The following CSMD1 variants were observed in gnomAD, a reference collection of about 807,000 sequenced individuals.
CSMD1 encodes CUB and sushi domain-containing protein 1.
CSMD1 carries 213 observed loss-of-function variants against 417.5 expected under a neutral mutation model. That is an observed-to-expected ratio of 0.51 (90% CI 0.46 to 0.57). The LOEUF is 0.57. CSMD1 is among the 20% of genes least tolerant of loss of function. CSMD1 has a pLI of 0.00. For missense variants in CSMD1, 6,923 were observed against 4,529.7 expected, an observed-to-expected ratio of 1.53 and a Z score of -15.17; for synonymous variants, 2,862 against 1,736.8, an observed-to-expected ratio of 1.65 and a Z score of -16.11.
intron 1 of CSMD1, among the ~76,000 whole-genome samples, chr8:4,945,242 T>C (rs148354001): frequency 1.3e-5 from 2 of 152,096 alleles, no homozygotes; most frequent in Non-Finnish European, 2.9e-5. Flanking sequence ...CCAGAGGCTG[T>C]GGAAGGGAAC....
At chr8:3,350,315 T>C (rs1364827320) in intron 21 of CSMD1, among the ~76,000 whole-genome samples, 1 of 145,626 alleles carries the variant, frequency 6.9e-6, no homozygotes, top group East Asian at 2.2e-4. Flanking sequence ...TAATAACCTA[T>C]AATAACTTGT....
intron 2 of CSMD1, among the ~76,000 whole-genome samples, chr8:4,460,424 C>G (rs1453469657): frequency 1.3e-5 from 2 of 151,882 alleles, no homozygotes; most frequent in Admixed American, 6.6e-5. Context: ...CCTCACTGTC[C>G]TGGAAAAAGT....
rs547706162 is a variant in CSMD1 at position 3,887,944 on chromosome 8, G to T, written c.818+109959C>A. 4.4e-4 allele frequency among the ~76,000 whole-genome samples: 67 copies of T among 152,216 alleles called. 1 individual carries two copies. Among genetic ancestry groups the T allele is most frequent in the African/African-American group, 1.6e-3 (66 of 41,552 alleles). ...AATCAGGAAAAGAATACTTTCAATA[G>T]CAATACTTAAGAAAACAGAGAAAAC... On this transcript the variant is annotated intron_variant, in intron 5 of 69. Coordinates refer to ENST00000635120, the MANE Select transcript of CSMD1 (RefSeq NM_033225.6).
chr8:3,916,713 A>C, intron 5 of CSMD1, among the ~76,000 whole-genome samples: 1 of 152,302 alleles, frequency 6.6e-6, no homozygotes, highest in African/African-American at 2.4e-5. Context: ...CATCACAAGG[A>C]TAGAAAAAGT....
At position 4,076,590 on chromosome 8, in the gene CSMD1, G is replaced by C. The variant is rs548127964; in HGVS notation, c.416-44491C>G. 8.4e-4 allele frequency among the ~76,000 whole-genome samples: 128 copies of C among 152,268 alleles called. 1 individual carries two copies. Among genetic ancestry groups the C allele is most frequent in the Non-Finnish European group, 1.0e-4 (7 of 68,020 alleles). On this transcript the variant is annotated intron_variant, in intron 3 of 69. Coordinates refer to ENST00000635120, the MANE Select transcript of CSMD1 (RefSeq NM_033225.6). ...ATGAAATAATATATTAAGGATTCAT[G>C]TCCTAAACTTAAAAACATTTGATAG...
intron 1 of CSMD1, among the ~76,000 whole-genome samples, chr8:4,852,586 A>G (rs1300998851): frequency 6.6e-6 from 1 of 152,158 alleles, no homozygotes; most frequent in Admixed American, 6.5e-5. Flanking sequence ...GAAAAATGGT[A>G]CCAGGAGTGG....
At chr8:3,177,734 C>T (rs1015713271) in intron 37 of CSMD1, among the ~76,000 whole-genome samples, 1 of 152,108 alleles carries the variant, frequency 6.6e-6, no homozygotes, top group Non-Finnish European at 1.5e-5. Context: ...CACCAGCTTC[C>T]ACCAGATCAA....
At chr8:4,275,818 T>G (rs1369314052) in intron 3 of CSMD1, among the ~76,000 whole-genome samples, 1 of 152,326 alleles carries the variant, frequency 6.6e-6, no homozygotes, top group Non-Finnish European at 1.5e-5. Context: ...TGATCTATAC[T>G]AATGAAAGTG....
In CSMD1 at chr8:2,996,187, G is replaced by C. The variant is rs549292101; in HGVS notation, c.8377+1824C>G. Among the ~76,000 whole-genome samples the C allele has an allele frequency of 3.7e-4, 56 of 152,236 alleles. 1 individual carries two copies. Among genetic ancestry groups the C allele is most frequent in the African/African-American group, 1.3e-3 (53 of 41,546 alleles). ...AGGAGGACTTTAATGGGAAAAAAGA[G>C]AGAGAATTGATGACATTTTATCCTA... On this transcript the variant is annotated intron_variant, in intron 54 of 69. Coordinates refer to ENST00000635120, the MANE Select transcript of CSMD1 (RefSeq NM_033225.6).
intron 3 of CSMD1, among the ~76,000 whole-genome samples, chr8:4,317,836 G>A (rs1450255788): frequency 6.6e-6 from 1 of 152,252 alleles, no homozygotes; most frequent in Non-Finnish European, 1.5e-5. Flanking sequence ...TTTGTTTAAT[G>A]TATTTTTGAC....
chr8:3,575,709 G>A (rs983376413), intron 9 of CSMD1, among the ~76,000 whole-genome samples: 1 of 100,000 alleles, frequency 1.0e-5, no homozygotes, highest in Non-Finnish European at 2.1e-5. Flanking sequence ...AAATAGGAAT[G>A]GTGACTTTAA....
chr8:4,452,332 T>C (rs541026766), intron 2 of CSMD1, among the ~76,000 whole-genome samples: 1 of 152,278 alleles, frequency 6.6e-6, no homozygotes, highest in African/African-American at 2.4e-5. Context: ...TTGAAAGCAA[T>C]GGCTCTAAAC....
At chr8:4,579,535 T>C (rs368600915) in intron 2 of CSMD1, among the ~76,000 whole-genome samples, 1 of 152,064 alleles carries the variant, frequency 6.6e-6, no homozygotes, top group East Asian at 1.9e-4. Context: ...GCTAATTTTT[T>C]GTATTTTTAG....
At chr8:3,840,433 G>C (rs114062706) in intron 5 of CSMD1, among the ~76,000 whole-genome samples, 2,549 of 152,188 alleles carry the variant, frequency 0.017, 65 homozygotes, top group African/African-American at 0.057. Flanking sequence ...ATTTTATTGT[G>C]TTAGTAGCAA....
At chr8:4,777,330 TGA>T (rs1412312878) in intron 1 of CSMD1, among the ~76,000 whole-genome samples, 3 of 152,152 alleles carry the variant, frequency 2.0e-5, no homozygotes, top group Non-Finnish European at 4.4e-5. Context: ...GACTAGTAAA[TGA>T]GAGAGTGCCT....
At chr8:4,674,081 A>G (rs1395228451) in intron 1 of CSMD1, among the ~76,000 whole-genome samples, 2 of 152,220 alleles carry the variant, frequency 1.3e-5, no homozygotes, top group African/African-American at 4.8e-5. Context: ...TCTCACTTAT[A>G]TGCATTATTC....
intron 1 of CSMD1, chr8:4,788,692 A>G (rs1797537398): frequency 1.8e-6 from 1 of 547,286 alleles, no homozygotes; most frequent in East Asian, 2.8e-5. Flanking sequence ...GAGAACACAA[A>G]TAAAATGTAT....
At chr8:3,721,751 A>T (rs1232367444) in intron 6 of CSMD1, among the ~76,000 whole-genome samples, 1 of 152,208 alleles carries the variant, frequency 6.6e-6, no homozygotes, top group Non-Finnish European at 1.5e-5. Flanking sequence ...AGAATTCTAA[A>T]TTCTTTACAT....
At position 3,264,129 on chromosome 8, in the gene CSMD1, G is replaced by A. The variant is rs1171084460; in HGVS notation, c.4153+20015C>T. 2.0e-5 allele frequency among the ~76,000 whole-genome samples: 3 copies of A among 152,070 alleles called. No homozygotes were observed. The South Asian group carries it at 6.2e-4, about 32-fold the overall frequency. On this transcript the variant is annotated intron_variant, in intron 26 of 69. Coordinates refer to ENST00000635120, the MANE Select transcript of CSMD1 (RefSeq NM_033225.6). ...TTCACCTCAATAATATGATTAAACT[G>A]ATTCCCAGCTTTCTAGCAGGTATGA...
Sources: gnomAD v4.1 joint callset for allele counts (sites outside exome capture counted in the v4.1 genomes callset) on GRCh38, gnomAD v4.1.1 for gene constraint, MANE v1.5 for transcripts, NCBI Gene and HGNC (gene_info 2026-07-23, HGNC 2026-07-21) for gene names.